The following PLEC variants were observed in gnomAD, a reference collection of about 807,000 sequenced individuals.
PLEC encodes plectin.
A neutral mutation model predicts 392.8 loss-of-function variants in PLEC; 216 were observed. The observed-to-expected ratio is 0.55, with a 90% CI of 0.49 to 0.62. The LOEUF is 0.62. PLEC is among the 20% of genes least tolerant of loss of function. PLEC has a pLI of 0.00. For missense variants in PLEC, 6,863 were observed against 6,563.4 expected, an observed-to-expected ratio of 1.05 and a Z score of -1.58; for synonymous variants, 3,621 against 2,980.6, an observed-to-expected ratio of 1.21 and a Z score of -7.00.
chr8:143,922,855 C>T lies in PLEC; in HGVS notation c.7074G>A (p.Ala2358=), dbSNP rs146381488. The change falls in exon 31 of 32, where the codon GCG becomes GCA. Residue 2358 remains alanine (A), a synonymous_variant. Transcript: ENST00000345136. The stretch of plus-strand genomic sequence containing the variant: ...TCCGCTGGAAGCCCTGCGTCTCCTC[C>T]GCCAGCTGCTGCGCCATCTGCTCCT... ...EDKEQMAQQL[A]EETQGFQRTL... is the part of the protein sequence containing the mutation. 5.5e-3 allele frequency: 8,609 copies of T among 1,579,430 alleles called. 38 individuals carry two copies. Among genetic ancestry groups the T allele is most frequent in the Middle Eastern group, 7.7e-3 (43 of 5,612 alleles).
Position 143,927,653 on chromosome 8 carries a change from G to T in PLEC, c.3513C>A (p.Asp1171Glu). 2 of 1,583,650 alleles carry T rather than the reference G, an allele frequency of 1.3e-6. No individual in the cohort carries two copies. Among genetic ancestry groups the T allele is most frequent in the Non-Finnish European group, 8.6e-7 (1 of 1,166,690 alleles). Reference protein sequence around the residue: ...ERLQQRHGERDVEVERWRERV... With the variant: ...ERLQQRHGEREVEVERWRERV... The stretch of plus-strand genomic sequence containing the variant: ...GCTCCCGCCAGCGCTCCACCTCCAC[G>T]TCCCGCTCCCCGTGCCGCTGCTGCA... Residue 1171 changes from aspartate to glutamate, a missense_variant, in exon 27 of 32, where the codon GAC (aspartate) becomes GAA (glutamate). Coordinates refer to ENST00000345136, the MANE Select transcript of PLEC (RefSeq NM_201384.3).
In PLEC at chr8:143,931,630, C is replaced by A; in HGVS notation, c.2208G>T (p.Gly736=). The part of the protein sequence containing the change: ...QFFSDVREAE[G]QLQKLQEALR... ...GTGCCTCCTGCAGCTTCTGCAACTGCCCCTCGGCCTCCCGCACATCTGAGA... is the reference window on the plus strand; with the variant it reads ...GTGCCTCCTGCAGCTTCTGCAACTGACCCTCGGCCTCCCGCACATCTGAGA... Residue 736 remains glycine (G), a synonymous_variant, in exon 19 of 32, where the codon GGG becomes GGT. Transcript: ENST00000345136. 6.2e-7 allele frequency: 1 copy of A among 1,600,922 alleles called. No individual in the cohort carries two copies. The highest frequency in any genetic ancestry group is 1.3e-5 in the African/African-American group (1 of 74,886).
chr8:143,946,796 C>T (rs953170818), intron 1 of PLEC, among the ~76,000 whole-genome samples: 2 of 147,076 alleles, frequency 1.4e-5, no homozygotes, highest in Non-Finnish European at 3.0e-5. Flanking sequence ...ATGTGCCCAG[C>T]GGTATTTCAG....
rs782237146 is a variant in PLEC at position 143,934,082 on chromosome 8, A to C, written c.1179T>G (p.Cys393Trp). The change falls in exon 12 of 32, where the codon TGT becomes TGG. Residue 393 changes from cysteine (C) to tryptophan (W), a missense_variant. By Grantham distance (215) the Cys-to-Trp change is radical. Coordinates refer to ENST00000345136, the MANE Select transcript of PLEC (RefSeq NM_201384.3). ...QLRSEFERLECLQRIVTKLQM... is the reference protein window; with the variant it reads ...QLRSEFERLEWLQRIVTKLQM... ...GCAGCTTGGTCACGATGCGCTGAAG[A>C]CACTCCAGCCTGCAGCAGCAGCACA... 44 of 1,611,292 alleles carry C rather than the reference A, an allele frequency of 2.7e-5. No homozygotes were observed. In the African/African-American group the frequency reaches 5.2e-4, roughly 19 times the overall value.
In PLEC at chr8:143,922,492, A is replaced by C. The variant is rs1554689752; in HGVS notation, c.7425+12T>G. 6.2e-7 allele frequency: 1 copy of C among 1,606,522 alleles called. No homozygotes were observed. The highest frequency in any genetic ancestry group is 8.5e-7 in the Non-Finnish European group (1 of 1,179,952). ...GGGCCCACCCGCCCGTCGCACGTAG[A>C]GGGGGCGGTACCTCCTCAGACTTGA... On this transcript the variant is annotated intron_variant, in intron 31 of 31. Coordinates refer to ENST00000345136, the MANE Select transcript of PLEC (RefSeq NM_201384.3).
intron 25 of PLEC, 77 bp from the exon 26 acceptor site, chr8:143,928,069 C>A: frequency 6.6e-7 from 1 of 1,505,056 alleles, no homozygotes. Flanking sequence ...CAAGCCACAG[C>A]GACCCAGGGT....
chr8:143,963,279 T>C (rs886385248), intron 1 of PLEC, among the ~76,000 whole-genome samples: 1 of 152,182 alleles, frequency 6.6e-6, no homozygotes, highest in African/African-American at 2.4e-5. Context: ...GCTGCAAACA[T>C]GTGCTACCCT....
At chr8:143,936,183 G>A (rs1829006191) in intron 5 of PLEC, among the ~76,000 whole-genome samples, 169 bp from the exon 6 acceptor site, 2 of 152,134 alleles carry the variant, frequency 1.3e-5, no homozygotes, top group Admixed American at 1.3e-4. Context: ...CTGTTGGGAA[G>A]CTGCTGGGAC....
upstream of PLEC, chr8:143,973,647 G>A: frequency 3.6e-6 from 2 of 558,176 alleles, no homozygotes; most frequent in Non-Finnish European, 2.3e-6. The surrounding 1 kb of genome is among the most constrained non-coding windows in gnomAD (Gnocchi z 5.6). Context: ...GCCGGGCAGA[G>A]GGAGCCGCGT....
intron 1 of PLEC, among the ~76,000 whole-genome samples, chr8:143,948,759 G>A (rs375230876): frequency 6.6e-6 from 1 of 152,198 alleles, no homozygotes; most frequent in African/African-American, 2.4e-5. Context: ...GCCCAGCCAC[G>A]GACAAGGAAG....
intron 1 of PLEC, among the ~76,000 whole-genome samples, chr8:143,967,179 C>T (rs973868569): frequency 3.4e-4 from 52 of 151,442 alleles, no homozygotes; most frequent in African/African-American, 1.0e-3. Flanking sequence ...CTGGCTAACA[C>T]GGTGAAACCC....
In PLEC at chr8:143,948,566, T is replaced by G. The variant is rs557467375; in HGVS notation, c.523+1618A>C. Reference sequence around the variant, plus strand: ...GAGAGGGGTTTGAGCCTGCTGGCCCTGACTCATCCCGGAGCTGTGGCTCGC... The same window carrying G: ...GAGAGGGGTTTGAGCCTGCTGGCCCGGACTCATCCCGGAGCTGTGGCTCGC... On this transcript the variant is annotated intron_variant, in intron 1 of 31. Transcript: ENST00000322810. Among the ~76,000 whole-genome samples, 7 of 152,350 alleles carry G rather than the reference T, an allele frequency of 4.6e-5. No individual in the cohort carries two copies. In the East Asian group the frequency reaches 1.2e-3, roughly 25 times the overall value.
At chr8:143,948,838 A>C (rs1831798494) in intron 1 of PLEC, among the ~76,000 whole-genome samples, 1 of 152,232 alleles carries the variant, frequency 6.6e-6, no homozygotes, top group Admixed American at 6.5e-5. Flanking sequence ...CTGGGCTGCC[A>C]AATGACCGGG....
upstream of PLEC, chr8:143,975,044 C>G (rs1433551386): frequency 5.9e-6 from 6 of 1,012,658 alleles, no homozygotes; most frequent in East Asian, 1.5e-4. The surrounding 1 kb of genome is among the most constrained non-coding windows in gnomAD (Gnocchi z 9.9). Flanking sequence ...CTGGGACGCG[C>G]GAGGCCCTCC....
chr8:143,943,633 C>CT, upstream of PLEC: 4 of 752,402 alleles, frequency 5.3e-6, no homozygotes, highest in South Asian at 6.4e-5. Flanking sequence ...AGGGTCTACA[C>CT]TGCAGGGTGG....
Position 143,973,189 on chromosome 8 carries a change from C to A in PLEC, c.70+214G>T, listed in dbSNP as rs558792840. ...GCCCACCCCACCCACCCGAGCCGCG[C>A]GATGCCCTATTAAGGGCATGGCCTC... On this transcript the variant is annotated intron_variant, in intron 1 of 31. Transcript: ENST00000356346. The surrounding 1 kb of genome is among the most constrained non-coding windows in gnomAD (Gnocchi z 5.6). Among the ~76,000 whole-genome samples the A allele has an allele frequency of 4.0e-5, 6 of 151,824 alleles. 1 individual carries two copies. Among genetic ancestry groups the A allele is most frequent in the South Asian group, 4.2e-4 (2 of 4,808 alleles).
Position 143,928,223 on chromosome 8 carries a change from G to T in PLEC, c.3261-231C>A, listed in dbSNP as rs910347797. Among the ~76,000 whole-genome samples the T allele has an allele frequency of 3.3e-5, 5 of 152,252 alleles. No individual in the cohort carries two copies. The East Asian group carries it at 9.6e-4, about 29-fold the overall frequency. ...CACTCAGGACCCAGCCTGGAGAGGG[G>T]GTGCGCCAGCCAGGAACGGCAGACC... On this transcript the variant is annotated intron_variant, in intron 25 of 31. Coordinates refer to ENST00000345136, the MANE Select transcript of PLEC (RefSeq NM_201384.3).
At chr8:143,931,160 C>T (rs1827132262) in intron 19 of PLEC, among the ~76,000 whole-genome samples, 1 of 152,186 alleles carries the variant, frequency 6.6e-6, no homozygotes, top group African/African-American at 2.4e-5. Context: ...CCTTCTACAG[C>T]ACAAGGGCTG....
chr8:143,955,595 T>G (rs539448390), upstream of PLEC, among the ~76,000 whole-genome samples: 13 of 146,552 alleles, frequency 8.9e-5, no homozygotes, highest in South Asian at 4.3e-4. Context: ...AAAAATGCTG[T>G]TTTTTTTTTG....
Sources: allele counts gnomAD v4.1 joint callset (sites outside exome capture counted in the v4.1 genomes callset), GRCh38; gene constraint gnomAD v4.1.1; non-coding constraint Gnocchi (gnomAD v3.1); transcripts MANE v1.5; gene names NCBI Gene and HGNC (gene_info 2026-07-23, HGNC 2026-07-21).